Variants in LMO7 observed in about 807,000 individuals in gnomAD.
LMO7 encodes LIM domain 7.
LMO7 carries 120 observed loss-of-function variants against 206.5 expected under a neutral mutation model. The observed-to-expected ratio is 0.58, with a 90% CI of 0.50 to 0.68. The LOEUF is 0.68. LMO7 is among the 30% of genes least tolerant of loss of function. The probability of loss-of-function intolerance (pLI) is 0.00; values close to 1 mark genes in which losing one functional copy is unlikely to be tolerated. For missense variants in LMO7, 1,959 were observed against 1,957.9 expected (o/e 1.00, Z -0.01); for synonymous variants, 706 against 681.5 (o/e 1.04, Z -0.56).
chr13:75,735,922 C>T (rs890587627), intron 3 of LMO7, among the ~76,000 whole-genome samples: 3 of 151,818 alleles, frequency 2.0e-5, no homozygotes, highest in Admixed American at 6.6e-5. Context: ...TAGCTTATTG[C>T]TTTAATTTAA....
intron 1 of LMO7, among the ~76,000 whole-genome samples, chr13:75,641,176 G>A (rs2036496941): frequency 6.6e-6 from 1 of 152,192 alleles, no homozygotes. Flanking sequence ...CATTGAGGAG[G>A]CAGCCTGAGT....
chr13:75,801,847 G>A (rs2054776226), intron 7 of LMO7, among the ~76,000 whole-genome samples: 1 of 152,106 alleles, frequency 6.6e-6, no homozygotes. Flanking sequence ...TGACAAAAAT[G>A]TCAAAAATCA....
chr13:75,718,484 T>C (rs984587217), intron 2 of LMO7, among the ~76,000 whole-genome samples: 1 of 152,178 alleles, frequency 6.6e-6, no homozygotes, highest in Non-Finnish European at 1.5e-5. Context: ...TTGAAGACTT[T>C]TTAAAAGAAC....
At chr13:75,768,233 A>C (rs1448245121) in intron 4 of LMO7, among the ~76,000 whole-genome samples, 1 of 152,086 alleles carries the variant, frequency 6.6e-6, no homozygotes, top group Non-Finnish European at 1.5e-5. Flanking sequence ...TGGCTGCTTA[A>C]ATTTTGCTTA....
chr13:75,679,090 T>C (rs900704633), intron 1 of LMO7, among the ~76,000 whole-genome samples: 1 of 152,148 alleles, frequency 6.6e-6, no homozygotes, highest in African/African-American at 2.4e-5. Flanking sequence ...CATTGTTTTT[T>C]CCCCCCTTTC....
chr13:75,829,174 AAAGAG>A (rs2058416938), intron 15 of LMO7, among the ~76,000 whole-genome samples: 2 of 152,188 alleles, frequency 1.3e-5, no homozygotes, highest in South Asian at 4.1e-4. Flanking sequence ...AACACAATGA[AAAGAG>A]AAGAGAAAAA....
chr13:75,686,530 T>TTTA (rs1393957431), intron 1 of LMO7, among the ~76,000 whole-genome samples: 1 of 151,420 alleles, frequency 6.6e-6, no homozygotes, highest in Non-Finnish European at 1.5e-5. Flanking sequence ...TCTTACCTTT[T>TTTA]TTTTTTTTTT....
At chr13:75,670,060 GGCCCT>G (rs1380738715) in intron 1 of LMO7, among the ~76,000 whole-genome samples, 1 of 152,136 alleles carries the variant, frequency 6.6e-6, no homozygotes, top group Non-Finnish European at 1.5e-5. Flanking sequence ...AACAGAGAAA[GGCCCT>G]AAACTTTGTG....
At chr13:75,840,152 G>C (rs1371723535) in intron 21 of LMO7, 42 bp downstream of exon 21, 1 of 1,598,352 alleles carries the variant, frequency 6.3e-7, no homozygotes, top group Admixed American at 1.7e-5. Context: ...GGTGAACTTG[G>C]TGGGACTGAA....
At chr13:75,838,616 A>T (rs970892205) in intron 20 of LMO7, among the ~76,000 whole-genome samples, 2 of 152,180 alleles carry the variant, frequency 1.3e-5, no homozygotes, top group Admixed American at 1.3e-4. Context: ...TAAAAACCTG[A>T]CTTGTTTTTG....
At chr13:75,827,480 C>T (rs1285011618) in intron 15 of LMO7, among the ~76,000 whole-genome samples, 2 of 152,180 alleles carry the variant, frequency 1.3e-5, no homozygotes, top group African/African-American at 2.4e-5. Context: ...TAGGAATTTC[C>T]TTTTCATCCT....
chr13:75,721,581 T>C (rs1185377112), intron 2 of LMO7, among the ~76,000 whole-genome samples: 1 of 152,236 alleles, frequency 6.6e-6, no homozygotes. Flanking sequence ...TTTTCATTCC[T>C]GAGTTACTTC....
At chr13:75,809,025 G>A (rs892562009) in intron 10 of LMO7, 129 bp from the exon 11 acceptor site, 1 of 733,384 alleles carries the variant, frequency 1.4e-6, no homozygotes, top group African/African-American at 1.8e-5. Context: ...TCAAGAATGT[G>A]ATGGAAGAAG....
intron 1 of LMO7, among the ~76,000 whole-genome samples, chr13:75,660,789 T>A (rs2038514230): frequency 6.6e-6 from 1 of 152,160 alleles, no homozygotes; most frequent in African/African-American, 2.4e-5. Context: ...GTTTTCCGTT[T>A]TTAGAAACCC....
chr13:75,726,974 CA>C (rs891962001), intron 2 of LMO7, 54 bp from the exon 3 acceptor site: 16 of 1,004,830 alleles, frequency 1.6e-5, no homozygotes, highest in African/African-American at 7.9e-5. Context: ...AGAATGCTAA[CA>C]AAAAACCTGA....
chr13:75,840,679 C>T (rs907140095), intron 22 of LMO7, among the ~76,000 whole-genome samples, 184 bp downstream of exon 22: 3 of 152,168 alleles, frequency 2.0e-5, no homozygotes, highest in Admixed American at 1.3e-4. Flanking sequence ...CCAGAGTCAT[C>T]CTTTAAAAAT....
intron 1 of LMO7, among the ~76,000 whole-genome samples, chr13:75,707,170 C>T (rs2042721251): frequency 6.6e-6 from 1 of 151,110 alleles, no homozygotes; most frequent in African/African-American, 2.4e-5. Context: ...TATATATAAA[C>T]ACCTGTAGTC....
intron 4 of LMO7, among the ~76,000 whole-genome samples, chr13:75,776,144 TG>T (rs2050359673): frequency 1.2e-5 from 1 of 81,494 alleles, no homozygotes; most frequent in Non-Finnish European, 2.7e-5. Context: ...TATATATATA[TG>T]CCATGTATAT....
chr13:75,722,377 G>A (rs779970924), intron 2 of LMO7, among the ~76,000 whole-genome samples: 42 of 152,092 alleles, frequency 2.8e-4, no homozygotes, highest in Middle Eastern at 6.8e-3. Flanking sequence ...ATCAAAAGTG[G>A]GCTAAGGACA....
Sources: gnomAD v4.1 joint callset for allele counts (sites outside exome capture counted in the v4.1 genomes callset) on GRCh38, gnomAD v4.1.1 for gene constraint, MANE v1.5 for transcripts, NCBI Gene and HGNC (gene_info 2026-07-23, HGNC 2026-07-21) for gene names.